CFAP100: variants seen among roughly 807,000 people sequenced by gnomAD.
CFAP100 encodes the protein cilia- and flagella-associated protein 100.
A neutral mutation model predicts 81.5 loss-of-function variants in CFAP100; 70 were observed. The observed-to-expected ratio is 0.86, with a 90% CI of 0.71 to 1.05. CFAP100 has a LOEUF of 1.05. CFAP100 is among the 50% of genes least tolerant of loss of function. The pLI is 0.00. For synonymous variants in CFAP100, 341 were observed against 314.8 expected, an observed-to-expected ratio of 1.08 and a Z score of -0.88; for missense variants, 811 against 776.5, an observed-to-expected ratio of 1.04 and a Z score of -0.53.
chr3:126,419,940 G>T, intron 9 of CFAP100, 40 bp from the exon 10 acceptor site: 1 of 1,612,686 alleles, frequency 6.2e-7, no homozygotes, highest in Non-Finnish European at 8.5e-7. Flanking sequence ...AAGCTTGGCT[G>T]CAGCTGAGGC....
Position 126,418,656 on chromosome 3 carries a change from C to G in CFAP100, c.532C>G (p.Leu178Val). 6.3e-7 allele frequency: 1 copy of G among 1,586,376 alleles called. No individual in the cohort carries two copies. The highest frequency in any genetic ancestry group is 8.6e-7 in the Non-Finnish European group (1 of 1,167,738). ...GAGAGAGATCCAGCGGCTGGAGACGCTGGCGACCAAAGAGGAGGCCAGGCT... is the reference window on the plus strand; with the variant it reads ...GAGAGAGATCCAGCGGCTGGAGACGGTGGCGACCAAAGAGGAGGCCAGGCT... ...KRREIQRLET[L>V]ATKEEARLER... The change falls in exon 7 of 17, where the codon CTG becomes GTG. Residue 178 changes from leucine (L) to valine (V), a missense_variant. Coordinates refer to ENST00000352312, the MANE Select transcript of CFAP100 (RefSeq NM_182628.3).
chr3:126,421,201 G>C (rs1315430661), intron 11 of CFAP100, among the ~76,000 whole-genome samples: 2 of 151,926 alleles, frequency 1.3e-5, no homozygotes, highest in East Asian at 1.9e-4. Context: ...ACGGGGTTTT[G>C]CCATGTTGGG....
intron 5 of CFAP100, among the ~76,000 whole-genome samples, chr3:126,417,220 C>T (rs1166276041): frequency 6.6e-6 from 1 of 152,210 alleles, no homozygotes; most frequent in African/African-American, 2.4e-5. Context: ...AGCTCAGTTT[C>T]CTTTCCTGGC....
Position 126,416,485 on chromosome 3 carries a change from C to G in CFAP100, c.395C>G (p.Thr132Ser). The change falls in exon 5 of 17, where the codon ACC becomes AGC. Residue 132 changes from threonine to serine, a missense_variant. Transcript: ENST00000352312. ...EHQRAFRDYTTWKLTLTKEKN... is the reference protein window; with the variant it reads ...EHQRAFRDYTSWKLTLTKEKN... ...CAGCGCGCCTTCCGCGACTACACGA[C>G]CTGGAAGCTCACCTTGACCAAAGGT... is the stretch of plus-strand genomic sequence containing the variant. 6.2e-7 allele frequency: 1 copy of G among 1,600,706 alleles called. No individual in the cohort carries two copies. Among genetic ancestry groups the G allele is most frequent in the Non-Finnish European group, 8.5e-7 (1 of 1,172,968 alleles).
chr3:126,419,519 G>A, intron 8 of CFAP100, 118 bp from the exon 9 acceptor site: 3 of 909,354 alleles, frequency 3.3e-6, no homozygotes, highest in Non-Finnish European at 5.1e-6. Flanking sequence ...CTTTTCTCAA[G>A]GAAAACAAGG....
At chr3:126,420,045 G>A (rs373762802) in intron 10 of CFAP100, 24 bp downstream of exon 10, 29 of 1,613,178 alleles carry the variant, frequency 1.8e-5, no homozygotes, top group Non-Finnish European at 2.4e-5. Context: ...CCCAGCCTGA[G>A]GAGGAGCCTG....
intron 9 of CFAP100, 27 bp downstream of exon 9, chr3:126,419,845 C>T (rs1350061837): frequency 1.2e-6 from 2 of 1,611,728 alleles, no homozygotes; most frequent in African/African-American, 1.3e-5. Flanking sequence ...TGTGGGTTCC[C>T]AGGTGGGCTC....
intron 15 of CFAP100, among the ~76,000 whole-genome samples, chr3:126,435,075 A>G (rs1233971704): frequency 6.6e-6 from 1 of 152,132 alleles, no homozygotes; most frequent in Non-Finnish European, 1.5e-5. Flanking sequence ...CCGTCCCCCC[A>G]AGCACAGGGG....
chr3:126,395,267 G>A (rs1371175940), intron 1 of CFAP100: 1 of 152,322 alleles, frequency 6.6e-6, no homozygotes, highest in Admixed American at 6.5e-5. Flanking sequence ...ACCCAATAGG[G>A]GGCTGCAGCA....
At chr3:126,408,715 A>C (rs1202978531) in intron 3 of CFAP100, among the ~76,000 whole-genome samples, 1 of 152,126 alleles carries the variant, frequency 6.6e-6, no homozygotes, top group Non-Finnish European at 1.5e-5. Flanking sequence ...GGGAGGGAGA[A>C]AGTCCTGGGG....
intron 5 of CFAP100, 50 bp downstream of exon 5, chr3:126,416,558 C>G: frequency 6.9e-7 from 1 of 1,446,098 alleles, no homozygotes. Context: ...GTCCCACAAC[C>G]GCAGCTCAGG....
chr3:126,422,767 G>A (rs2083353010), intron 11 of CFAP100, among the ~76,000 whole-genome samples: 1 of 152,232 alleles, frequency 6.6e-6, no homozygotes, highest in South Asian at 2.1e-4. Context: ...GGCCAAGACT[G>A]ACCCTAGATG....
chr3:126,431,550 C>T (rs1933227522), intron 13 of CFAP100, among the ~76,000 whole-genome samples: 1 of 152,158 alleles, frequency 6.6e-6, no homozygotes, highest in African/African-American at 2.4e-5. Flanking sequence ...TATAACCTCT[C>T]CCTTGAATTC....
At chr3:126,422,542 G>T (rs2083349619) in intron 11 of CFAP100, among the ~76,000 whole-genome samples, 1 of 152,220 alleles carries the variant, frequency 6.6e-6, no homozygotes, top group Non-Finnish European at 1.5e-5. Context: ...GCCCAGGGTG[G>T]AGCAGGCTGG....
chr3:126,416,291 G>A, intron 4 of CFAP100, 25 bp from the exon 5 acceptor site: 14 of 1,561,982 alleles, frequency 9.0e-6, no homozygotes, highest in Non-Finnish European at 1.2e-5. Context: ...CCTGGGCCCC[G>A]CCCGACTTGG....
chr3:126,435,529 CA>C, intron 15 of CFAP100, 29 bp from the exon 16 acceptor site: 1 of 1,590,020 alleles, frequency 6.3e-7, no homozygotes, highest in Non-Finnish European at 8.6e-7. Flanking sequence ...CAGGTCCCCC[CA>C]GTTTTCAATG....
At chr3:126,431,021 G>A (rs1367938593) in intron 13 of CFAP100, among the ~76,000 whole-genome samples, 1 of 152,198 alleles carries the variant, frequency 6.6e-6, no homozygotes, top group Admixed American at 6.5e-5. Flanking sequence ...CACATTTGAA[G>A]AAGGACTTGC....
chr3:126,435,131 C>A (rs1933392727), intron 15 of CFAP100, among the ~76,000 whole-genome samples: 1 of 152,166 alleles, frequency 6.6e-6, no homozygotes, highest in Non-Finnish European at 1.5e-5. Flanking sequence ...GGGCACTAGA[C>A]CAGGCTTTGA....
chr3:126,411,098 G>C (rs956049533), intron 3 of CFAP100, among the ~76,000 whole-genome samples: 4 of 152,162 alleles, frequency 2.6e-5, no homozygotes, highest in South Asian at 2.1e-4. Flanking sequence ...TATCATAAAG[G>C]GGTGCTGAAT....
Sources: gnomAD v4.1 joint callset for allele counts (sites outside exome capture counted in the v4.1 genomes callset) on GRCh38, gnomAD v4.1.1 for gene constraint, MANE v1.5 for transcripts, NCBI Gene and HGNC (gene_info 2026-07-23, HGNC 2026-07-21) for gene names.